Variants in EHBP1L1 observed in about 807,000 individuals in gnomAD.
The protein encoded by EHBP1L1 is EH domain-binding protein 1-like protein 1.
Under a neutral mutation model 151.1 loss-of-function variants are expected in EHBP1L1, and 122 were observed. The observed-to-expected ratio is 0.81, with a 90% CI of 0.70 to 0.94. The LOEUF (loss-of-function observed/expected upper bound fraction) is 0.94, where lower values mean the gene tolerates loss of function less well. EHBP1L1 is among the 40% of genes least tolerant of loss of function. EHBP1L1 has a pLI of 0.00. For missense variants in EHBP1L1, 1,941 were observed against 1,959.8 expected (o/e 0.99, Z 0.18); for synonymous variants, 878 against 810.1 (o/e 1.08, Z -1.42).
Position 65,584,545 on chromosome 11 carries a change from G to A in EHBP1L1, c.3300+11G>A. ...CAGAACAACAAGCAGGTGAGATGGG[G>A]TGGGGGACTGCCTGGAGGGAAGGAG... On this transcript the variant is annotated intron_variant, in intron 11 of 18. Transcript: ENST00000309295. 1 of 1,609,858 alleles carries A rather than the reference G, an allele frequency of 6.2e-7. No homozygotes were observed. Among genetic ancestry groups the A allele is most frequent in the South Asian group, 1.1e-5 (1 of 90,522 alleles).
At chr11:65,591,766 A>AACC in intron 16 of EHBP1L1, 34 bp from the exon 17 acceptor site, 2 of 806,796 alleles carry the variant, frequency 2.5e-6, no homozygotes, top group Non-Finnish European at 4.2e-6. Context: ...CTGAACTGCC[A>AACC]CCCCCCCGCC....
chr11:65,585,045 C>T lies in EHBP1L1; in HGVS notation c.3387C>T (p.Ile1129=). The T allele has an allele frequency of 1.3e-6, 2 of 1,540,588 alleles. No individual in the cohort carries two copies. The highest frequency in any genetic ancestry group is 1.4e-5 in the African/African-American group (1 of 73,198). Reference sequence around the variant, plus strand: ...TACTGTCGGTGCCCGACAAGCTCATCGTCATGACGTACCTGTGCCAGATCC... The same window carrying T: ...TACTGTCGGTGCCCGACAAGCTCATTGTCATGACGTACCTGTGCCAGATCC... ...MVLLSVPDKL[I]VMTYLCQIRA... The change falls in exon 12 of 19, where the codon ATC becomes ATT. Residue 1129 remains isoleucine (I), a synonymous_variant. Coordinates refer to ENST00000309295, the MANE Select transcript of EHBP1L1 (RefSeq NM_001099409.3). This position sits in a 1 kb window ranked among gnomAD's most constrained non-coding sequence, Gnocchi z 4.0.
chr11:65,591,936 G>A (rs375273666), intron 17 of EHBP1L1, 40 bp from the exon 18 acceptor site: 164 of 1,607,874 alleles, frequency 1.0e-4, no homozygotes, highest in Middle Eastern at 1.7e-4. Flanking sequence ...GCACAGCCCT[G>A]GGCCCGCGCC....
chr11:65,591,256 C>G (rs574223952), intron 16 of EHBP1L1: 1 of 168,776 alleles, frequency 5.9e-6, no homozygotes, highest in Non-Finnish European at 1.3e-5. Flanking sequence ...TGGTGGCGGG[C>G]GCCTGTAGTT....
Position 65,582,424 on chromosome 11 carries a change from C to G in EHBP1L1, c.1752C>G (p.Thr584=). 6.2e-7 allele frequency: 1 copy of G among 1,611,378 alleles called. No individual in the cohort carries two copies. The highest frequency in any genetic ancestry group is 1.1e-5 in the South Asian group (1 of 90,994). Residue 584 remains threonine (T), a synonymous_variant, in exon 9 of 19, where the codon ACC becomes ACG. Transcript: ENST00000309295. ...TEVVGLEVLG[T]QEKEVEGSGF... ...TGGTAGGGTTGGAGGTGCTGGGAACCCAGGAGAAAGAAGTTGAGGGGTCAG... is the reference window on the plus strand; with the variant it reads ...TGGTAGGGTTGGAGGTGCTGGGAACGCAGGAGAAAGAAGTTGAGGGGTCAG...
Position 65,579,122 on chromosome 11 carries a change from G to A in EHBP1L1, c.149G>A (p.Arg50His), listed in dbSNP as rs764167148. The stretch of plus-strand genomic sequence containing the variant: ...GTGGTATGGACCCGTCGGAACCGAC[G>A]CATCTGCTCCAAGGTGGGGAAGGAT... Reference protein sequence around the residue: ...LVVVWTRRNRRICSKAHSWQP... With the variant: ...LVVVWTRRNRHICSKAHSWQP... The change falls in exon 2 of 19, where the codon CGC becomes CAC. Residue 50 changes from arginine to histidine, a missense_variant. Arg to His is a conservative substitution (Grantham distance 29, BLOSUM62 0). Coordinates refer to ENST00000309295, the MANE Select transcript of EHBP1L1 (RefSeq NM_001099409.3). 6.8e-5 allele frequency: 109 copies of A among 1,594,684 alleles called. No homozygotes were observed. Among genetic ancestry groups the A allele is most frequent in the Non-Finnish European group, 8.5e-5 (100 of 1,170,836 alleles).
intron 1 of EHBP1L1, among the ~76,000 whole-genome samples, chr11:65,576,834 C>A (rs531246471): frequency 6.6e-6 from 1 of 151,910 alleles, no homozygotes; most frequent in African/African-American, 2.4e-5. Flanking sequence ...AGAGATGTTG[C>A]CCCCTCCTCC....
Position 65,585,060 on chromosome 11 carries a change from G to T in EHBP1L1, c.3402G>T (p.Leu1134=). The T allele has an allele frequency of 6.5e-7, 1 of 1,543,994 alleles. No individual in the cohort carries two copies. Among genetic ancestry groups the T allele is most frequent in the South Asian group, 1.2e-5 (1 of 84,498 alleles). ...VPDKLIVMTY[L]CQIRAFCTGQ... is the part of the protein sequence containing the mutation. ...ACAAGCTCATCGTCATGACGTACCTGTGCCAGATCCGCGCCTTCTGCACCG... is the reference window on the plus strand; with the variant it reads ...ACAAGCTCATCGTCATGACGTACCTTTGCCAGATCCGCGCCTTCTGCACCG... The change falls in exon 12 of 19, where the codon CTG becomes CTT. Residue 1134 remains leucine, a synonymous_variant. Transcript: ENST00000309295. The surrounding 1 kb of genome is among the most constrained non-coding windows in gnomAD (Gnocchi z 4.0).
Position 65,581,596 on chromosome 11 carries a change from A to C in EHBP1L1, c.924A>C (p.Lys308Asn). The part of the protein sequence containing the change: ...TAPTPAPRLR[K>N]GSDALRPPVP... ...CCACCCCAGCCCCTCGGCTCCGGAA[A>C]GGCTCTGATGCCCTCCGGCCCCCAG... The change falls in exon 9 of 19, where the codon AAA (lysine) becomes AAC (asparagine). Residue 308 changes from lysine to asparagine, a missense_variant. Coordinates refer to ENST00000309295, the MANE Select transcript of EHBP1L1 (RefSeq NM_001099409.3). 1 of 1,520,760 alleles carries C rather than the reference A, an allele frequency of 6.6e-7. No homozygotes were observed. Among genetic ancestry groups the C allele is most frequent in the Non-Finnish European group, 8.8e-7 (1 of 1,134,260 alleles). 94.2% of individuals were successfully genotyped at this position (1,520,760 alleles called of 1,614,324 possible). A position where few individuals can be genotyped will look rare whatever the true frequency, so the allele number is the denominator to read the frequency against.
chr11:65,581,281 C>T lies in EHBP1L1; in HGVS notation c.774C>T (p.Thr258=). The T allele has an allele frequency of 1.9e-6, 3 of 1,611,630 alleles. No individual in the cohort carries two copies. Among genetic ancestry groups the T allele is most frequent in the Non-Finnish European group, 1.7e-6 (2 of 1,179,444 alleles). ...GTGCTCCTGCACCCCCAGCCAGAAC[C>T]TCCCGAGGCCAGGGGTCAGAACGAG... ...PVSAPAPPAR[T]SRGQGSERAN... Residue 258 remains threonine (T), a synonymous_variant, in exon 8 of 19, where the codon ACC becomes ACT. Transcript: ENST00000309295.
Position 65,581,290 on chromosome 11 carries a change from C to T in EHBP1L1, c.783C>T (p.Gly261=). ...CACCCCCAGCCAGAACCTCCCGAGG[C>T]CAGGGGTCAGAACGAGCTAATGAAG... ...APAPPARTSR[G]QGSERANEAG... Residue 261 remains glycine, a synonymous_variant, in exon 8 of 19, where the codon GGC becomes GGT. Transcript: ENST00000309295. 6.2e-7 allele frequency: 1 copy of T among 1,612,148 alleles called. No homozygotes were observed. Among genetic ancestry groups the T allele is most frequent in the Non-Finnish European group, 8.5e-7 (1 of 1,179,634 alleles).
Position 65,592,399 on chromosome 11 carries a change from C to A in EHBP1L1, c.*97C>A. 1 of 920,874 alleles carries A rather than the reference C, an allele frequency of 1.1e-6. No individual in the cohort carries two copies. Among genetic ancestry groups the A allele is most frequent in the Non-Finnish European group, 1.3e-6 (1 of 743,872 alleles). 57.0% of individuals were successfully genotyped at this position (920,874 alleles called of 1,614,324 possible). A position where few individuals can be genotyped will look rare whatever the true frequency, so the allele number is the denominator to read the frequency against. Reference sequence around the variant, plus strand: ...GACGACCCGGCCGTCCCGGAGGCCGCGCGCGTGTCCGCTAGGGGCCGCCGG... The same window carrying A: ...GACGACCCGGCCGTCCCGGAGGCCGAGCGCGTGTCCGCTAGGGGCCGCCGG... On this transcript the variant is annotated 3_prime_UTR_variant, in exon 19 of 19. Coordinates refer to ENST00000309295, the MANE Select transcript of EHBP1L1 (RefSeq NM_001099409.3).
rs560964612 is a variant in EHBP1L1, at chr11:65,585,863, C to T, written c.3933+272C>T. Among the ~76,000 whole-genome samples, 1 of 152,240 alleles carries T rather than the reference C, an allele frequency of 6.6e-6. No homozygotes were observed. Among genetic ancestry groups the T allele is most frequent in the Non-Finnish European group, 1.5e-5 (1 of 68,038 alleles). On this transcript the variant is annotated intron_variant, in intron 12 of 18. Transcript: ENST00000309295. The surrounding 1 kb of genome is among the most constrained non-coding windows in gnomAD (Gnocchi z 4.0). ...CAGGCAGGGTCCCCAGCTTTGCGGCCAGCCTGGGATAAGTGCTGAGGGTTT... is the reference window on the plus strand; with the variant it reads ...CAGGCAGGGTCCCCAGCTTTGCGGCTAGCCTGGGATAAGTGCTGAGGGTTT...
In EHBP1L1 at chr11:65,579,921, C is replaced by G. The variant is rs1857514541; in HGVS notation, c.259-15C>G. 1 of 1,613,560 alleles carries G rather than the reference C, an allele frequency of 6.2e-7. No homozygotes were observed. ...GCCCCAACAGTCCTGTACTCACCAG[C>G]ACCCTTCTTCCCAGGACCCCCACGT... On this transcript the variant is annotated splice_polypyrimidine_tract_variant and intron_variant, in intron 3 of 18. Coordinates refer to ENST00000309295, the MANE Select transcript of EHBP1L1 (RefSeq NM_001099409.3).
Position 65,592,065 on chromosome 11 carries a change from C to G in EHBP1L1, c.4447C>G (p.Arg1483Gly). ...GGTGAACCAGCGCGATGAGCTAGTC[C>G]GGGACCTGGACCACAAGGAGCGGAT... ...SLVNQRDELV[R>G]DLDHKERIAL... Residue 1483 changes from arginine (R) to glycine (G), a missense_variant, in exon 18 of 19, where the codon CGG becomes GGG. Arg to Gly is a moderately radical substitution (Grantham distance 125). Transcript: ENST00000309295. The G allele has an allele frequency of 6.2e-7, 1 of 1,613,368 alleles. No individual in the cohort carries two copies. The highest frequency in any genetic ancestry group is 8.5e-7 in the Non-Finnish European group (1 of 1,179,646).
At chr11:65,589,275 G>C (rs192963520) in intron 12 of EHBP1L1, among the ~76,000 whole-genome samples, 2,271 of 152,294 alleles carry the variant, frequency 0.015, 20 homozygotes, top group Non-Finnish European at 0.024. Context: ...CGTGATGGCG[G>C]GTGGCTACTT....
chr11:65,587,170 C>T (rs1195558894), intron 12 of EHBP1L1, among the ~76,000 whole-genome samples: 1 of 152,180 alleles, frequency 6.6e-6, no homozygotes, highest in Non-Finnish European at 1.5e-5. Flanking sequence ...GTCAGGAGAT[C>T]AAGACCATCC....
Position 65,581,765 on chromosome 11 carries a change from A to G in EHBP1L1, c.1093A>G (p.Lys365Glu). 12 of 1,611,704 alleles carry G rather than the reference A, an allele frequency of 7.4e-6. No individual in the cohort carries two copies. The highest frequency in any genetic ancestry group is 1.0e-5 in the Non-Finnish European group (12 of 1,178,952). Residue 365 changes from lysine to glutamate, a missense_variant, in exon 9 of 19, where the codon AAA becomes GAA. By Grantham distance (56) the Lys-to-Glu change is moderately conservative. Transcript: ENST00000309295. ...GARLGPSIED[K>E]GSGDPFGRQR... ...TAGGCTGGGCCCGAGCATTGAGGAT[A>G]AAGGTTCTGGAGACCCTTTTGGAAG...
rs1405982376 is a variant in EHBP1L1 at position 65,582,851 on chromosome 11, C to T, written c.2179C>T (p.Gln727Ter). ...EGTEAKILGT[Q>*]EITARDSGVR... is the part of the protein sequence containing the mutation. ...GACAGAAGCTAAAATATTAGGGACCCAGGAGATAACAGCTAGGGATTCAGG... is the reference window on the plus strand; with the variant it reads ...GACAGAAGCTAAAATATTAGGGACCTAGGAGATAACAGCTAGGGATTCAGG... Residue 727 changes from glutamine (Q) to a stop codon, truncating the protein, a stop_gained, in exon 9 of 19, where the codon CAG becomes TAG. Coordinates refer to ENST00000309295, the MANE Select transcript of EHBP1L1 (RefSeq NM_001099409.3). LOFTEE classifies it high-confidence loss of function. The T allele has an allele frequency of 1.2e-6, 2 of 1,613,418 alleles. No individual in the cohort carries two copies. The highest frequency in any genetic ancestry group is 1.7e-5 in the Admixed American group (1 of 59,984).
Sources: gnomAD v4.1 joint callset for allele counts (sites outside exome capture counted in the v4.1 genomes callset) on GRCh38, gnomAD v4.1.1 for gene constraint, Gnocchi (gnomAD v3.1) non-coding constraint, MANE v1.5 for transcripts, NCBI Gene and HGNC (gene_info 2026-07-23, HGNC 2026-07-21) for gene names.